The following DPP6 variants were observed in gnomAD, a reference collection of about 807,000 sequenced individuals.
DPP6 encodes dipeptidyl peptidase like 6, also known as A-type potassium channel modulatory protein DPP6.
In DPP6, 69 loss-of-function variants were observed where a neutral mutation model predicts 122.6. The ratio of observed to expected loss-of-function variants is 0.56; its 90% CI spans 0.46 to 0.69. The LOEUF (loss-of-function observed/expected upper bound fraction) is 0.69, where lower values mean the gene tolerates loss of function less well. DPP6 is among the 30% of genes least tolerant of loss of function. DPP6 has a pLI of 0.00. For synonymous variants in DPP6, 418 were observed against 433.1 expected (o/e 0.97, Z 0.43); for missense variants, 928 against 1,116.9 (o/e 0.83, Z 2.41).
chr7:154,322,434 T>C (rs2151020568), intron 1 of DPP6, among the ~76,000 whole-genome samples: 1 of 152,326 alleles, frequency 6.6e-6, no homozygotes, highest in African/African-American at 2.4e-5. Context: ...AAGAGTCAAC[T>C]ACCGAAGGAA....
In DPP6 at chr7:154,688,940, T is replaced by A. The variant is rs543888915; in HGVS notation, c.762+19499T>A. Among the ~76,000 whole-genome samples the A allele has an allele frequency of 2.0e-5, 3 of 152,340 alleles. No individual in the cohort carries two copies. The East Asian group carries it at 5.8e-4, about 29-fold the overall frequency. ...AATTGCACTTGACATTTTCTATTGA[T>A]TTTGCATCCAGCAGCCTTGCTAAAC... On this transcript the variant is annotated intron_variant, in intron 7 of 25. Coordinates refer to ENST00000377770, the MANE Select transcript of DPP6 (RefSeq NM_130797.4).
intron 19 of DPP6, among the ~76,000 whole-genome samples, chr7:154,873,233 T>C (rs1265940219): frequency 6.6e-6 from 1 of 152,216 alleles, no homozygotes; most frequent in Non-Finnish European, 1.5e-5. Flanking sequence ...TGGGTCTGAT[T>C]AGGGAACTCA....
intron 1 of DPP6, among the ~76,000 whole-genome samples, chr7:154,017,997 G>A (rs1798511518): frequency 6.6e-6 from 1 of 152,190 alleles, no homozygotes; most frequent in Non-Finnish European, 1.5e-5. Context: ...TGCAGGGCCA[G>A]ATGAAATTCA....
At chr7:154,776,206 TA>T (rs374643277) in intron 10 of DPP6, among the ~76,000 whole-genome samples, 5 of 79,904 alleles carry the variant, frequency 6.3e-5, no homozygotes, top group African/African-American at 2.4e-4. Flanking sequence ...AGATGATAGA[TA>T]GATAGATAGA....
At chr7:154,678,981 AT>A (rs58659487) in intron 7 of DPP6, among the ~76,000 whole-genome samples, 16,226 of 152,196 alleles carry the variant, frequency 0.11, 935 homozygotes, top group East Asian at 0.15. Context: ...TGCTTTTACT[AT>A]TTGGGTTAAT....
chr7:154,041,171 A>G (rs907936057), intron 1 of DPP6, among the ~76,000 whole-genome samples: 7 of 152,044 alleles, frequency 4.6e-5, no homozygotes, highest in Admixed American at 1.3e-4. Context: ...ATCTCACAAA[A>G]CATGTTCTCT....
At chr7:154,611,028 G>T (rs1164682073) in intron 5 of DPP6, among the ~76,000 whole-genome samples, 2 of 152,130 alleles carry the variant, frequency 1.3e-5, no homozygotes, top group African/African-American at 4.8e-5. Context: ...CTGTGCTAGA[G>T]TGTATCTGGT....
rs922591346 is a variant in DPP6, at chr7:154,320,155, C to T, written c.244-126059C>T. Among the ~76,000 whole-genome samples, 165 of 151,696 alleles carry T rather than the reference C, an allele frequency of 1.1e-3. 4 individuals carry two copies. The highest frequency in any genetic ancestry group is 5.3e-4 in the Admixed American group (8 of 15,228). On this transcript the variant is annotated intron_variant, in intron 1 of 25. Transcript: ENST00000377770. ...CTAATATCTCAAAAATCTATTATTC[C>T]AACATAGAAGCAATATAAAAATTGT...
rs1831562388 is a variant in DPP6 at position 154,575,452 on chromosome 7, G to GTGTGTGTGATATGTGTGTATA, written c.627+8542_627+8543insTGATATGTGTGTATATGTGTG. Among the ~76,000 whole-genome samples the GTGTGTGTGATATGTGTGTATA allele has an allele frequency of 3.3e-5, 4 of 120,642 alleles. No individual in the cohort carries two copies. The South Asian group carries it at 1.4e-3, about 41-fold the overall frequency. 79.1% of individuals were successfully genotyped at this position (120,642 alleles called of 152,430 possible). A position where few individuals can be genotyped will look rare whatever the true frequency, so the allele number is the denominator to read the frequency against. Reference sequence around the variant, plus strand: ...GTGTGTATGTGTGTGGTGTGTGTATGTGTGTGNGCGGGTGTATGTGTGTGG... The same window carrying GTGTGTGTGATATGTGTGTATA: ...GTGTGTATGTGTGTGGTGTGTGTATGTGTGTGTGATATGTGTGTATATGTGTGNGCGGGTGTATGTGTGTGG... On this transcript the variant is annotated intron_variant, in intron 5 of 25. Transcript: ENST00000377770.
the DPP6 span, among the ~76,000 whole-genome samples, chr7:153,806,942 A>C: frequency 6.6e-6 from 1 of 152,040 alleles, no homozygotes; most frequent in Non-Finnish European, 1.5e-5. Flanking sequence ...ATTTGCAACT[A>C]TTAAATATGA....
intron 5 of DPP6, among the ~76,000 whole-genome samples, chr7:154,634,876 T>TG (rs1425085309): frequency 6.6e-6 from 1 of 152,338 alleles, no homozygotes; most frequent in East Asian, 1.9e-4. Context: ...GTGTTTGTTT[T>TG]GGGGATGGCA....
intron 1 of DPP6, among the ~76,000 whole-genome samples, chr7:154,260,507 C>T (rs1333112549): frequency 6.6e-6 from 1 of 151,888 alleles, no homozygotes; most frequent in South Asian, 2.1e-4. Context: ...TATGCCTTTG[C>T]ATCCTCATAG....
chr7:154,353,888 A>G (rs1277895326), intron 1 of DPP6, among the ~76,000 whole-genome samples: 1 of 152,220 alleles, frequency 6.6e-6, no homozygotes, highest in Non-Finnish European at 1.5e-5. Context: ...TCTTTTAGAA[A>G]ATAAATTCCG....
At chr7:154,686,931 C>T (rs867105994) in intron 7 of DPP6, among the ~76,000 whole-genome samples, 1 of 152,180 alleles carries the variant, frequency 6.6e-6, no homozygotes, top group African/African-American at 2.4e-5. Flanking sequence ...CCAGGTCCAC[C>T]GGGTTCCGGG....
intron 1 of DPP6, among the ~76,000 whole-genome samples, chr7:154,221,745 T>C (rs1369272636): frequency 6.6e-6 from 1 of 152,204 alleles, no homozygotes; most frequent in Non-Finnish European, 1.5e-5. Context: ...GGAAGCTGGC[T>C]ATGTGAAGGC....
intron 1 of DPP6, among the ~76,000 whole-genome samples, chr7:154,231,015 T>G (rs1281654606): frequency 6.6e-6 from 1 of 152,234 alleles, no homozygotes; most frequent in Non-Finnish European, 1.5e-5. Flanking sequence ...TTTTTGACAT[T>G]TGTAAGACTT....
At chr7:154,327,478 A>G (rs1460413623) in intron 1 of DPP6, among the ~76,000 whole-genome samples, 1 of 152,188 alleles carries the variant, frequency 6.6e-6, no homozygotes, top group Non-Finnish European at 1.5e-5. Context: ...GGTAAAATCA[A>G]TTTTGAAGTC....
chr7:153,845,615 T>G, the DPP6 span, among the ~76,000 whole-genome samples: 1 of 152,072 alleles, frequency 6.6e-6, no homozygotes, highest in Non-Finnish European at 1.5e-5. Flanking sequence ...ATTCTTCTAT[T>G]TTTGTGCTTT....
At chr7:154,524,470 C>A (rs2130016626) in intron 3 of DPP6, among the ~76,000 whole-genome samples, 1 of 152,312 alleles carries the variant, frequency 6.6e-6, no homozygotes, top group African/African-American at 2.4e-5. Flanking sequence ...GGTTAGGGAA[C>A]TCCACGTATC....
Sources: gnomAD v4.1 joint callset for allele counts (sites outside exome capture counted in the v4.1 genomes callset) on GRCh38, gnomAD v4.1.1 for gene constraint, MANE v1.5 for transcripts, NCBI Gene and HGNC (gene_info 2026-07-23, HGNC 2026-07-21) for gene names.